TOX: variants seen among roughly 807,000 people sequenced by gnomAD.
TOX encodes the protein thymocyte selection associated high mobility group box, also known as thymocyte selection-associated high mobility group box protein TOX.
TOX carries 11 observed loss-of-function variants against 53.7 expected under a neutral mutation model. The ratio of observed to expected loss-of-function variants is 0.20; its 90% CI spans 0.13 to 0.34. The LOEUF (loss-of-function observed/expected upper bound fraction) is 0.34. Among genes scored for constraint, TOX ranks in the 10% least tolerant of loss-of-function variants. TOX has a pLI of 1.00. For missense variants in TOX, 570 were observed against 664.6 expected, an observed-to-expected ratio of 0.86 and a Z score of 1.56; for synonymous variants, 225 against 245.3, an observed-to-expected ratio of 0.92 and a Z score of 0.77.
At chr8:58,987,699 T>C (rs1236678460) in intron 1 of TOX, among the ~76,000 whole-genome samples, 1 of 152,160 alleles carries the variant, frequency 6.6e-6, no homozygotes, top group Non-Finnish European at 1.5e-5. Flanking sequence ...TGGGGCCAGA[T>C]GAAGTAGTGC....
At chr8:58,884,998 T>A (rs1811442812) in intron 3 of TOX, among the ~76,000 whole-genome samples, 1 of 152,142 alleles carries the variant, frequency 6.6e-6, no homozygotes, top group South Asian at 2.1e-4. Context: ...ATTCCTAGAA[T>A]GTTTTCAAAA....
chr8:58,834,577 G>C (rs544395280), intron 5 of TOX, among the ~76,000 whole-genome samples: 1 of 152,312 alleles, frequency 6.6e-6, no homozygotes, highest in African/African-American at 2.4e-5. Context: ...GTAATCTACT[G>C]TTATAACACT....
chr8:58,928,242 A>G (rs898904186), intron 3 of TOX, among the ~76,000 whole-genome samples: 2 of 152,182 alleles, frequency 1.3e-5, no homozygotes, highest in Admixed American at 1.3e-4. Context: ...AGCGCCCGCT[A>G]TTAGCTGGGA....
At chr8:59,078,031 G>A (rs1248395335) in intron 1 of TOX, among the ~76,000 whole-genome samples, 1 of 151,972 alleles carries the variant, frequency 6.6e-6, no homozygotes, top group Admixed American at 6.6e-5. Flanking sequence ...AGGAAATGGA[G>A]GAAAAATATT....
intron 1 of TOX, among the ~76,000 whole-genome samples, chr8:59,009,423 A>C (rs1813857750): frequency 6.6e-6 from 1 of 150,452 alleles, no homozygotes; most frequent in African/African-American, 2.5e-5. Context: ...CCCAGGCTGG[A>C]GTGCAGTGGT....
chr8:58,995,264 G>A (rs920419147), intron 1 of TOX, among the ~76,000 whole-genome samples: 7 of 151,946 alleles, frequency 4.6e-5, no homozygotes. Flanking sequence ...TTTTTGTTTT[G>A]TATTTCATAA....
chr8:58,827,702 G>C (rs1418954918), intron 5 of TOX, among the ~76,000 whole-genome samples: 1 of 152,156 alleles, frequency 6.6e-6, no homozygotes, highest in Non-Finnish European at 1.5e-5. Flanking sequence ...CCTAAATTGA[G>C]CAAAAGTACT....
intron 1 of TOX, among the ~76,000 whole-genome samples, chr8:58,987,427 A>G (rs959889400): frequency 4.6e-5 from 7 of 152,210 alleles, no homozygotes; most frequent in African/African-American, 1.7e-4. Flanking sequence ...TGGTCAAGAC[A>G]TGGAGTAGAA....
At chr8:58,973,561 C>G (rs1813038856) in intron 1 of TOX, among the ~76,000 whole-genome samples, 1 of 152,142 alleles carries the variant, frequency 6.6e-6, no homozygotes, top group Non-Finnish European at 1.5e-5. Flanking sequence ...TCCAATATTC[C>G]TTGAGGTGTG....
At chr8:58,831,217 T>C (rs142001445) in intron 5 of TOX, among the ~76,000 whole-genome samples, 29 of 152,272 alleles carry the variant, frequency 1.9e-4, no homozygotes, top group African/African-American at 7.0e-4. Flanking sequence ...ACCGAGGTCC[T>C]TGCCTGAAAA....
intron 3 of TOX, among the ~76,000 whole-genome samples, chr8:58,932,225 A>C (rs1214217312): frequency 1.3e-5 from 2 of 152,180 alleles, no homozygotes; most frequent in Non-Finnish European, 2.9e-5. Context: ...TCACAGTATT[A>C]AAGTGGTTTA....
intron 6 of TOX, among the ~76,000 whole-genome samples, chr8:58,822,280 C>G (rs7817609): frequency 0.24 from 36,557 of 152,140 alleles, 6,813 homozygotes; most frequent in African/African-American, 0.53. Context: ...TCTTTGTTTT[C>G]TGGGTTTCAT....
At chr8:58,996,760 CATTTAA>C (rs1813567263) in intron 1 of TOX, among the ~76,000 whole-genome samples, 1 of 152,188 alleles carries the variant, frequency 6.6e-6, no homozygotes, top group African/African-American at 2.4e-5. Context: ...AACTATTCTT[CATTTAA>C]TTAAAACAGC....
At chr8:59,087,462 T>C (rs992640940) in intron 1 of TOX, among the ~76,000 whole-genome samples, 11 of 152,238 alleles carry the variant, frequency 7.2e-5, no homozygotes, top group Admixed American at 6.5e-5. Context: ...CCTTTTATTG[T>C]GGAATAGATC....
intron 1 of TOX, among the ~76,000 whole-genome samples, chr8:59,063,103 A>G (rs976270976): frequency 2.6e-5 from 4 of 152,146 alleles, no homozygotes; most frequent in African/African-American, 4.8e-5. Flanking sequence ...TTGAGTAGGT[A>G]TTAGTTACAG....
At chr8:58,838,770 C>G (rs1810593228) in intron 4 of TOX, among the ~76,000 whole-genome samples, 1 of 134,578 alleles carries the variant, frequency 7.4e-6, no homozygotes, top group East Asian at 2.4e-4. Flanking sequence ...GGCGTGATCT[C>G]AGCTCACTGC....
intron 1 of TOX, among the ~76,000 whole-genome samples, chr8:58,995,001 G>A (rs773384761): frequency 4.6e-5 from 7 of 152,192 alleles, no homozygotes; most frequent in Non-Finnish European, 1.0e-4. Context: ...TCAATAAAGT[G>A]TTCACGCAGC....
At chr8:59,101,885 C>T (rs984897798) in intron 1 of TOX, among the ~76,000 whole-genome samples, 3 of 152,316 alleles carry the variant, frequency 2.0e-5, no homozygotes, top group Non-Finnish European at 4.4e-5. Context: ...AAAATCTATG[C>T]ATGCCACCCT....
chr8:58,833,044 C>A (rs941120086), intron 5 of TOX, among the ~76,000 whole-genome samples: 1 of 152,192 alleles, frequency 6.6e-6, no homozygotes, highest in African/African-American at 2.4e-5. Flanking sequence ...CAAAAATACA[C>A]TCTGGGTACC....
Sources: allele counts gnomAD v4.1 joint callset (sites outside exome capture counted in the v4.1 genomes callset), GRCh38; gene constraint gnomAD v4.1.1; transcripts MANE v1.5; gene names NCBI Gene and HGNC (gene_info 2026-07-23, HGNC 2026-07-21).